The following EYA1 variants were observed in gnomAD, a reference collection of about 807,000 sequenced individuals.
EYA1 encodes EYA transcriptional coactivator and phosphatase 1.
In EYA1, 16 loss-of-function variants were observed where a neutral mutation model predicts 82.0. That is an observed-to-expected ratio of 0.20 (90% CI 0.13 to 0.30). The LOEUF (loss-of-function observed/expected upper bound fraction) is 0.30. Ranked by LOEUF, EYA1 falls within the 10% of genes least tolerant of loss-of-function variation. The probability of loss-of-function intolerance (pLI) is 1.00; values close to 1 mark genes in which losing one functional copy is unlikely to be tolerated. For missense variants in EYA1, 633 were observed against 730.7 expected (o/e 0.87, Z 1.54); for synonymous variants, 261 against 264.4 (o/e 0.99, Z 0.12).
intron 2 of EYA1, among the ~76,000 whole-genome samples, chr8:71,507,856 C>G (rs1170996141): frequency 6.6e-6 from 1 of 152,128 alleles, no homozygotes; most frequent in Non-Finnish European, 1.5e-5. Flanking sequence ...AATTCCAAAC[C>G]CAGGTCCATT....
At chr8:71,227,135 T>C (rs770195434) in intron 12 of EYA1, among the ~76,000 whole-genome samples, 16 of 152,152 alleles carry the variant, frequency 1.1e-4, no homozygotes, top group Non-Finnish European at 4.4e-5. Context: ...CTAATTATCA[T>C]TCAGAACATT....
chr8:71,328,367 C>T (rs1040725015), intron 4 of EYA1, among the ~76,000 whole-genome samples: 11 of 152,132 alleles, frequency 7.2e-5, no homozygotes, highest in Admixed American at 3.9e-4. Flanking sequence ...ATACCGATTC[C>T]GGGGTGCTCT....
chr8:71,508,761 C>A (rs1487206952), intron 2 of EYA1, among the ~76,000 whole-genome samples: 1 of 152,140 alleles, frequency 6.6e-6, no homozygotes, highest in East Asian at 1.9e-4. Context: ...CTGTGAGAAA[C>A]AAATTTCCAT....
intron 3 of EYA1, among the ~76,000 whole-genome samples, chr8:71,347,498 A>G (rs1329593499): frequency 6.6e-6 from 1 of 151,798 alleles, no homozygotes; most frequent in Non-Finnish European, 1.5e-5. Context: ...AATTTTTTGT[A>G]TTTTTAGTAG....
chr8:71,212,698 T>C (rs1210407036), intron 16 of EYA1, among the ~76,000 whole-genome samples: 1 of 152,246 alleles, frequency 6.6e-6, no homozygotes, highest in Non-Finnish European at 1.5e-5. Context: ...TTCATTTTGA[T>C]GAGTCCATTT....
At chr8:71,542,713 T>G (rs1815243812) in intron 1 of EYA1, among the ~76,000 whole-genome samples, 1 of 152,194 alleles carries the variant, frequency 6.6e-6, no homozygotes, top group Non-Finnish European at 1.5e-5. Flanking sequence ...CTCTGCAACC[T>G]CACCAGCATT....
In EYA1 at chr8:71,334,085, T is replaced by C; in HGVS notation, c.202+12A>G. 3 of 1,603,036 alleles carry C rather than the reference T, an allele frequency of 1.9e-6. No homozygotes were observed. Among genetic ancestry groups the C allele is most frequent in the Non-Finnish European group, 2.6e-6 (3 of 1,170,088 alleles). ...TTGGTGTTGATGTGAAAATCTAATATTTATTCCTTACCTGAACCTGAGAAA... is the reference window on the plus strand; with the variant it reads ...TTGGTGTTGATGTGAAAATCTAATACTTATTCCTTACCTGAACCTGAGAAA... On this transcript the variant is annotated intron_variant, in intron 4 of 17. Transcript: ENST00000340726.
At chr8:71,325,093 T>C (rs1823005303) in intron 4 of EYA1, among the ~76,000 whole-genome samples, 1 of 152,196 alleles carries the variant, frequency 6.6e-6, no homozygotes, top group African/African-American at 2.4e-5. Flanking sequence ...TCCAAATTCC[T>C]TGGCACAGAA....
At chr8:71,537,666 C>T (rs1450259470) in intron 1 of EYA1, among the ~76,000 whole-genome samples, 1 of 152,128 alleles carries the variant, frequency 6.6e-6, no homozygotes, top group Non-Finnish European at 1.5e-5. Context: ...AGACAAAGCC[C>T]CCTCTGATTT....
intron 9 of EYA1, among the ~76,000 whole-genome samples, chr8:71,286,218 T>C (rs1244890559): frequency 1.3e-5 from 2 of 152,192 alleles, no homozygotes; most frequent in South Asian, 2.1e-4. Flanking sequence ...AAAATGTAGG[T>C]GTTCCCATTA....
At chr8:71,337,609 T>C (rs1274362326) in intron 3 of EYA1, among the ~76,000 whole-genome samples, 2 of 152,246 alleles carry the variant, frequency 1.3e-5, no homozygotes, top group East Asian at 3.8e-4. Context: ...AAAAGTGATT[T>C]AATCTCCTTG....
At chr8:71,508,161 C>A (rs1563685824) in intron 2 of EYA1, among the ~76,000 whole-genome samples, 1 of 152,174 alleles carries the variant, frequency 6.6e-6, no homozygotes, top group Non-Finnish European at 1.5e-5. Flanking sequence ...GTTTGAGTTT[C>A]CATTTCTCCG....
At chr8:71,444,703 AG>A (rs1382356867) in intron 2 of EYA1, among the ~76,000 whole-genome samples, 2 of 151,968 alleles carry the variant, frequency 1.3e-5, no homozygotes, top group East Asian at 3.9e-4. Context: ...GCCTACACTG[AG>A]GGGTTAGAAT....
intron 2 of EYA1, among the ~76,000 whole-genome samples, chr8:71,474,042 C>T (rs1489950129): frequency 1.3e-5 from 2 of 151,684 alleles, no homozygotes; most frequent in Admixed American, 1.3e-4. Context: ...CATACCGGGG[C>T]CTGTTATTGG....
intron 9 of EYA1, among the ~76,000 whole-genome samples, chr8:71,280,034 C>G (rs78279899): frequency 6.6e-6 from 1 of 152,172 alleles, no homozygotes; most frequent in African/African-American, 2.4e-5. Flanking sequence ...GTTTGATACA[C>G]GCACCAGAAC....
intron 2 of EYA1, among the ~76,000 whole-genome samples, chr8:71,466,878 G>T (rs559884234): frequency 6.6e-6 from 1 of 152,168 alleles, no homozygotes; most frequent in Non-Finnish European, 1.5e-5. Context: ...TCTTACCACT[G>T]GGGTTTGGAT....
chr8:71,312,333 A>G (rs1001664201), intron 7 of EYA1, among the ~76,000 whole-genome samples: 1 of 152,212 alleles, frequency 6.6e-6, no homozygotes, highest in Non-Finnish European at 1.5e-5. Flanking sequence ...GAGGTCTGAC[A>G]GTTCTAAGCC....
chr8:71,518,541 T>C (rs1003354363), intron 2 of EYA1, among the ~76,000 whole-genome samples: 4 of 152,160 alleles, frequency 2.6e-5, no homozygotes, highest in African/African-American at 9.6e-5. Flanking sequence ...GTTTTTCTTA[T>C]ATCTACCATG....
chr8:71,276,942 G>GCTGCACATGT (rs1290885348), intron 9 of EYA1, among the ~76,000 whole-genome samples: 3 of 151,970 alleles, frequency 2.0e-5, no homozygotes, highest in Non-Finnish European at 2.9e-5. Context: ...GGTACTTGGA[G>GCTGCACATGT]CTGCACATGT....
Sources: gnomAD v4.1 joint callset for allele counts (sites outside exome capture counted in the v4.1 genomes callset) on GRCh38, gnomAD v4.1.1 for gene constraint, MANE v1.5 for transcripts, NCBI Gene and HGNC (gene_info 2026-07-23, HGNC 2026-07-21) for gene names.